Variants in CENPE observed in about 807,000 individuals in gnomAD.
CENPE encodes the protein centromere-associated protein E.
Under a neutral mutation model 336.1 loss-of-function variants are expected in CENPE, and 145 were observed. That is an observed-to-expected ratio of 0.43 (90% confidence interval 0.38 to 0.50). The LOEUF is 0.50. CENPE is among the 20% of genes least tolerant of loss of function. CENPE has a pLI of 0.00. For missense variants in CENPE, 2,719 were observed against 3,023.3 expected, an observed-to-expected ratio of 0.90 and a Z score of 2.36; for synonymous variants, 1,013 against 984.8, an observed-to-expected ratio of 1.03 and a Z score of -0.54.
At chr4:103,181,704 T>A (rs1184012094) in intron 11 of CENPE, 3 of 279,222 alleles carry the variant, frequency 1.1e-5, no homozygotes, top group South Asian at 4.7e-5. Context: ...CTTATTGGAA[T>A]CTCATTTACC....
intron 12 of CENPE, 87 bp downstream of exon 12, chr4:103,181,250 C>G: frequency 1.1e-6 from 1 of 896,716 alleles, no homozygotes. Flanking sequence ...CTCAGATATT[C>G]AGGAATGAAG....
rs768692320 is a variant in CENPE, at chr4:103,149,212, A to G, written c.3593T>C (p.Ile1198Thr). The change falls in exon 27 of 49, where the codon ATA (isoleucine) becomes ACA (threonine). Residue 1198 changes from isoleucine to threonine, a missense_variant. Ile to Thr is a moderately conservative substitution (Grantham distance 89). Coordinates refer to ENST00000265148, the MANE Select transcript of CENPE (RefSeq NM_001813.3). ...LNENYEEVKSITKERKVLKEL... is the reference protein window; with the variant it reads ...LNENYEEVKSTTKERKVLKEL... Reference sequence around the variant, plus strand: ...CTTTAGAACTTTTCTTTCTTTGGTTATAGATTTCACTTCCTCATAATTTTC... The same window carrying G: ...CTTTAGAACTTTTCTTTCTTTGGTTGTAGATTTCACTTCCTCATAATTTTC... 15 of 1,612,456 alleles carry G rather than the reference A, an allele frequency of 9.3e-6. No homozygotes were observed. In the East Asian group the frequency reaches 3.1e-4, roughly 34 times the overall value.
Position 103,158,995 on chromosome 4 carries a change from G to C in CENPE, c.2601+15C>G. 1 of 1,531,484 alleles carries C rather than the reference G, an allele frequency of 6.5e-7. No individual in the cohort carries two copies. The highest frequency in any genetic ancestry group is 8.7e-7 in the Non-Finnish European group (1 of 1,146,476). The allele number at this position is 1,531,484 out of a possible 1,614,324, so 94.9% of individuals were successfully genotyped here. ...AGACTAAGGAGCATTTCTCAAAATA[G>C]CATCTTGTACCAACCTCGGTCTTCA... On this transcript the variant is annotated intron_variant, in intron 22 of 48. Transcript: ENST00000265148.
intron 44 of CENPE, among the ~76,000 whole-genome samples, chr4:103,119,807 T>A (rs1485742285): frequency 6.6e-6 from 1 of 152,064 alleles, no homozygotes; most frequent in Non-Finnish European, 1.5e-5. Flanking sequence ...ACAGAGGCAG[T>A]AAGTAGGAAA....
In CENPE at chr4:103,169,194, G is replaced by A. The variant is rs557624740; in HGVS notation, c.1647+5542C>T. Among the ~76,000 whole-genome samples, 10 of 151,928 alleles carry A rather than the reference G, an allele frequency of 6.6e-5. No homozygotes were observed. The East Asian group carries it at 1.9e-3, about 29-fold the overall frequency. ...GAACATCAATAGAAGAATGGATCAT[G>A]CAGAAGAATTTGTGAGCTTGAGACA... On this transcript the variant is annotated intron_variant, in intron 16 of 48. Transcript: ENST00000265148.
chr4:103,167,362 C>T (rs1755010658), intron 16 of CENPE, among the ~76,000 whole-genome samples: 1 of 152,082 alleles, frequency 6.6e-6, no homozygotes, highest in Non-Finnish European at 1.5e-5. Context: ...CCCATAGATG[C>T]TTTTAATTCC....
chr4:103,180,537 TA>T, intron 12 of CENPE, 68 bp from the exon 13 acceptor site: 1 of 979,056 alleles, frequency 1.0e-6, no homozygotes, highest in Non-Finnish European at 1.5e-6. Flanking sequence ...TAAAGTAGCA[TA>T]AAAGAATAAA....
chr4:103,189,808 G>A (rs924331440), intron 8 of CENPE, among the ~76,000 whole-genome samples: 6 of 152,006 alleles, frequency 3.9e-5, no homozygotes, highest in African/African-American at 1.4e-4. Context: ...CAGGCAGGAG[G>A]AGGAAATAAA....
At position 103,176,263 on chromosome 4, in the gene CENPE, C is replaced by T. The variant is rs111678685; in HGVS notation, c.1391-215G>A. Among the ~76,000 whole-genome samples, 1,540 of 152,202 alleles carry T rather than the reference C, an allele frequency of 0.01. 25 individuals are homozygous for T. Among genetic ancestry groups the T allele is most frequent in the African/African-American group, 0.034 (1,422 of 41,520 alleles). Reference sequence around the variant, plus strand: ...TGATCACTGGTTGGAATTAGTGACACAATACAGGATCCTTAATGAAATATA... The same window carrying T: ...TGATCACTGGTTGGAATTAGTGACATAATACAGGATCCTTAATGAAATATA... On this transcript the variant is annotated intron_variant, in intron 14 of 48. Transcript: ENST00000265148.
At chr4:103,151,736 C>CTTTGGT (rs1753588843) in intron 25 of CENPE, among the ~76,000 whole-genome samples, 2 of 152,144 alleles carry the variant, frequency 1.3e-5, no homozygotes, top group African/African-American at 4.8e-5. Flanking sequence ...ACTGGGATGG[C>CTTTGGT]TTTGGTTTTA....
At chr4:103,141,687 C>T in intron 35 of CENPE, 63 bp downstream of exon 35, 1 of 1,200,562 alleles carries the variant, frequency 8.3e-7, no homozygotes, top group Non-Finnish European at 1.2e-6. Flanking sequence ...CATTTTATAT[C>T]CCCAACAATT....
At chr4:103,171,625 C>T (rs1004818032) in intron 16 of CENPE, among the ~76,000 whole-genome samples, 23 of 151,166 alleles carry the variant, frequency 1.5e-4, no homozygotes. Flanking sequence ...ACAAACTAAA[C>T]CCCAAATTAG....
chr4:103,180,393 T>C lies in CENPE; in HGVS notation c.1160A>G (p.Gln387Arg), dbSNP rs1756228492. 1 of 1,613,230 alleles carries C rather than the reference T, an allele frequency of 6.2e-7. No homozygotes were observed. Among genetic ancestry groups the C allele is most frequent in the Non-Finnish European group, 8.5e-7 (1 of 1,179,520 alleles). The change falls in exon 13 of 49, where the codon CAG becomes CGG. Residue 387 changes from glutamine to arginine, a missense_variant. By Grantham distance (43) the Gln-to-Arg change is conservative. Transcript: ENST00000265148. ...TTCAATTTTCTCATTCTGTACTTTC[T>C]GAAGCAAATCTTTTTCTTCCAAAAG... ...AQLLEEKDLL[Q>R]KVQNEKIENL...
chr4:103,113,617 AAT>A (rs1749802818), intron 46 of CENPE, among the ~76,000 whole-genome samples: 1 of 143,138 alleles, frequency 7.0e-6, no homozygotes, highest in South Asian at 2.1e-4. Flanking sequence ...ATAAAGAAGT[AAT>A]AGATATATTA....
chr4:103,122,749 T>A, intron 43 of CENPE, 122 bp downstream of exon 43: 2 of 691,506 alleles, frequency 2.9e-6, no homozygotes, highest in East Asian at 2.7e-5. Context: ...CTAGTAAAAA[T>A]CAAGCCCATC....
chr4:103,134,782 C>T (rs533057932), intron 40 of CENPE, among the ~76,000 whole-genome samples: 1 of 152,146 alleles, frequency 6.6e-6, no homozygotes, highest in South Asian at 2.1e-4. Flanking sequence ...GGAAGAATTA[C>T]CAGGGCCCGA....
At chr4:103,169,554 A>G (rs1755218982) in intron 16 of CENPE, among the ~76,000 whole-genome samples, 1 of 152,230 alleles carries the variant, frequency 6.6e-6, no homozygotes, top group African/African-American at 2.4e-5. Context: ...GGCAAATAAC[A>G]TAGAAGGGAG....
chr4:103,116,626 C>T lies in CENPE; in HGVS notation c.7393G>A (p.Val2465Met). Residue 2465 changes from valine (V) to methionine (M), a missense_variant, in exon 45 of 49, where the codon GTG becomes ATG. Val to Met is a conservative substitution (Grantham distance 21). Around this residue, in one of 5 missense-constraint regions of CENPE, gnomAD observed 2,437 missense variants for 2,513.3 expected, o/e 0.97. Transcript: ENST00000265148. ...TTCATTTTCTCTAGGTCTATTTTCA[C>T]AAGCTTCATTTTGAGATCTTCAATT... The part of the protein sequence containing the change: ...EEIEDLKMKL[V>M]KIDLEKMKNA... 6.3e-7 allele frequency: 1 copy of T among 1,595,656 alleles called. No homozygotes were observed. The highest frequency in any genetic ancestry group is 1.8e-5 in the Admixed American group (1 of 56,526).
chr4:103,184,528 T>G (rs1220870796), intron 9 of CENPE, among the ~76,000 whole-genome samples: 1 of 152,204 alleles, frequency 6.6e-6, no homozygotes, highest in East Asian at 1.9e-4. Context: ...CATTCCTTGG[T>G]GTATGATATA....
Sources: allele counts gnomAD v4.1 joint callset (sites outside exome capture counted in the v4.1 genomes callset), GRCh38; gene constraint gnomAD v4.1.1; regional missense constraint gnomAD v4.1.1; transcripts MANE v1.5; gene names NCBI Gene and HGNC (gene_info 2026-07-23, HGNC 2026-07-21).